SIPA1L2: variants seen among roughly 807,000 people sequenced by gnomAD.
SIPA1L2 encodes signal induced proliferation associated 1 like 2.
Under a neutral mutation model 163.9 loss-of-function variants are expected in SIPA1L2, and 56 were observed. That is an observed-to-expected ratio of 0.34 (90% CI 0.28 to 0.43). The LOEUF (loss-of-function observed/expected upper bound fraction) is 0.43. Among genes scored for constraint, SIPA1L2 ranks in the 20% least tolerant of loss-of-function variants. The pLI is 1.00. For missense variants in SIPA1L2, 1,974 were observed against 2,193.5 expected, an observed-to-expected ratio of 0.90 and a Z score of 2.00; for synonymous variants, 877 against 865.7, an observed-to-expected ratio of 1.01 and a Z score of -0.23.
At chr1:232,548,495 T>C (rs771379771) in intron 2 of SIPA1L2, among the ~76,000 whole-genome samples, 7 of 152,270 alleles carry the variant, frequency 4.6e-5, no homozygotes, top group Non-Finnish European at 1.0e-4. Context: ...AGACAAAATA[T>C]TTGTTTTACA....
intron 19 of SIPA1L2, among the ~76,000 whole-genome samples, chr1:232,409,089 T>A (rs1660804429): frequency 6.6e-6 from 1 of 152,216 alleles, no homozygotes; most frequent in East Asian, 1.9e-4. Context: ...CTTATCCCTA[T>A]TTTTGAATTA....
chr1:232,445,500 C>A, intron 11 of SIPA1L2, 29 bp downstream of exon 11: 1 of 1,612,398 alleles, frequency 6.2e-7, no homozygotes, highest in South Asian at 1.1e-5. Flanking sequence ...TTACAAGGGC[C>A]CCCCTTGAGG....
intron 1 of SIPA1L2, among the ~76,000 whole-genome samples, chr1:232,619,718 G>T (rs1055106844): frequency 6.6e-6 from 1 of 152,166 alleles, no homozygotes; most frequent in Non-Finnish European, 1.5e-5. Context: ...TAGAATGCCA[G>T]CATTTAAAAA....
intron 1 of SIPA1L2, among the ~76,000 whole-genome samples, chr1:232,619,179 T>C (rs1316902390): frequency 6.6e-6 from 1 of 152,230 alleles, no homozygotes; most frequent in African/African-American, 2.4e-5. Context: ...GCCTACAGTT[T>C]CCCTGCACAC....
At chr1:232,594,439 G>C (rs1452392216) in intron 1 of SIPA1L2, among the ~76,000 whole-genome samples, 1 of 152,100 alleles carries the variant, frequency 6.6e-6, no homozygotes, top group Admixed American at 6.5e-5. Context: ...ACACCGAGCG[G>C]AGCCAGGGCG....
At chr1:232,630,162 G>A (rs1285253843), upstream of SIPA1L2, among the ~76,000 whole-genome samples, 1 of 151,400 alleles carries the variant, frequency 6.6e-6, no homozygotes, top group East Asian at 1.9e-4. Context: ...GCCACCGCCC[G>A]CCCGCCCAGC....
Position 232,514,775 on chromosome 1 carries a change from G to A in SIPA1L2, c.565C>T (p.His189Tyr). The change falls in exon 3 of 23, where the codon CAC (histidine) becomes TAC (tyrosine). Residue 189 changes from histidine (H) to tyrosine (Y), a missense_variant. This residue lies in a region of SIPA1L2 where 607 missense variants were observed against 624.0 expected (regional missense o/e 0.97). Transcript: ENST00000674635. Reference protein sequence around the residue: ...AVNPNTGAALHREYGSTSSID... With the variant: ...AVNPNTGAALYREYGSTSSID... ...GATGAAGTACTTCCATACTCCCTGT[G>A]CAGGGCAGCCCCGGTGTTGGGGTTG... is the stretch of plus-strand genomic sequence containing the variant. 1 of 1,614,210 alleles carries A rather than the reference G, an allele frequency of 6.2e-7. No homozygotes were observed. The highest frequency in any genetic ancestry group is 8.5e-7 in the Non-Finnish European group (1 of 1,180,036).
intron 1 of SIPA1L2, among the ~76,000 whole-genome samples, 114 bp downstream of exon 1, chr1:232,629,755 C>A (rs1663283698): frequency 6.6e-6 from 1 of 151,974 alleles, no homozygotes; most frequent in Admixed American, 6.5e-5. Flanking sequence ...CCGCCGTCAG[C>A]CCCCCAAAGC....
chr1:232,576,500 C>T (rs1660084339), intron 1 of SIPA1L2, among the ~76,000 whole-genome samples: 1 of 152,180 alleles, frequency 6.6e-6, no homozygotes, highest in South Asian at 2.1e-4. Context: ...TCTCTCTCTC[C>T]TCAGACCTCC....
chr1:232,418,027 T>C (rs1194811159), intron 18 of SIPA1L2, among the ~76,000 whole-genome samples: 2 of 152,212 alleles, frequency 1.3e-5, no homozygotes, highest in African/African-American at 4.8e-5. Context: ...ATTCTGTTCA[T>C]CATGTTTTAC....
At chr1:232,543,755 G>A (rs2103115210) in intron 2 of SIPA1L2, among the ~76,000 whole-genome samples, 1 of 152,284 alleles carries the variant, frequency 6.6e-6, no homozygotes, top group African/African-American at 2.4e-5. Flanking sequence ...TGCAGTCCTA[G>A]CTACTTGGGA....
intron 2 of SIPA1L2, among the ~76,000 whole-genome samples, chr1:232,535,759 T>C (rs1220520039): frequency 6.6e-6 from 1 of 152,234 alleles, no homozygotes; most frequent in Admixed American, 6.5e-5. Flanking sequence ...CTATCATTGA[T>C]GTCTTTTAAC....
chr1:232,423,455 T>C (rs16857063), intron 18 of SIPA1L2, among the ~76,000 whole-genome samples: 4,921 of 152,292 alleles, frequency 0.032, 255 homozygotes, highest in African/African-American at 0.11. Flanking sequence ...GGAATACACT[T>C]CAATACAAAT....
At chr1:232,620,603 C>G (rs942695326) in intron 1 of SIPA1L2, among the ~76,000 whole-genome samples, 5 of 152,184 alleles carry the variant, frequency 3.3e-5, no homozygotes, top group Non-Finnish European at 5.9e-5. Context: ...TTCACATAAC[C>G]AGACGCACAG....
At chr1:232,472,444 A>G (rs955959917) in intron 7 of SIPA1L2, among the ~76,000 whole-genome samples, 2 of 152,244 alleles carry the variant, frequency 1.3e-5, no homozygotes, top group Admixed American at 1.3e-4. Flanking sequence ...GAGGTACCCA[A>G]TACACATTTG....
At chr1:232,401,306 G>T (rs1660324680) in intron 22 of SIPA1L2, among the ~76,000 whole-genome samples, 1 of 152,144 alleles carries the variant, frequency 6.6e-6, no homozygotes, top group Non-Finnish European at 1.5e-5. Context: ...GGGACAGCTG[G>T]TCACCCAAGC....
chr1:232,401,758 T>G (rs2102736588), intron 22 of SIPA1L2, among the ~76,000 whole-genome samples: 1 of 152,252 alleles, frequency 6.6e-6, no homozygotes, highest in African/African-American at 2.4e-5. Flanking sequence ...CAGCTACAAT[T>G]TCTCCCTTCT....
chr1:232,528,103 A>ATATATATATATATATATATCTCG (rs1558246735), intron 2 of SIPA1L2, among the ~76,000 whole-genome samples: 1 of 51,714 alleles, frequency 1.9e-5, no homozygotes, highest in African/African-American at 7.8e-5. Context: ...TATATATATA[A>ATATATATATATATATATATCTCG]TCAACTTTCT....
At chr1:232,467,432 C>A (rs931716651) in intron 8 of SIPA1L2, among the ~76,000 whole-genome samples, 1 of 152,124 alleles carries the variant, frequency 6.6e-6, no homozygotes, top group African/African-American at 2.4e-5. Flanking sequence ...CACCACCATC[C>A]TCAGGATGGC....
Sources: gnomAD v4.1 joint callset for allele counts (sites outside exome capture counted in the v4.1 genomes callset) on GRCh38, gnomAD v4.1.1 for gene constraint, gnomAD v4.1.1 regional missense constraint, MANE v1.5 for transcripts, NCBI Gene and HGNC (gene_info 2026-07-23, HGNC 2026-07-21) for gene names.